LRP1B: variants seen among roughly 807,000 people sequenced by gnomAD.
LRP1B encodes the protein low-density lipoprotein receptor-related protein 1B.
Under a neutral mutation model 556.6 loss-of-function variants are expected in LRP1B, and 217 were observed. That is an observed-to-expected ratio of 0.39 (90% CI 0.35 to 0.44). LRP1B has a LOEUF of 0.44. LRP1B is among the 20% of genes least tolerant of loss of function. LRP1B has a pLI of 1.00. For missense variants in LRP1B, 5,053 were observed against 5,620.8 expected, an observed-to-expected ratio of 0.90 and a Z score of 3.23; for synonymous variants, 2,047 against 1,865.8, an observed-to-expected ratio of 1.10 and a Z score of -2.50.
At chr2:141,577,667 T>C (rs1686801273) in intron 2 of LRP1B, among the ~76,000 whole-genome samples, 1 of 152,150 alleles carries the variant, frequency 6.6e-6, no homozygotes, top group Non-Finnish European at 1.5e-5. Context: ...CTGTGAAAAT[T>C]TGGAACACGT....
At chr2:141,199,084 C>T (rs749733848) in intron 6 of LRP1B, among the ~76,000 whole-genome samples, 5 of 152,076 alleles carry the variant, frequency 3.3e-5, no homozygotes, top group Non-Finnish European at 5.9e-5. Context: ...TAAATTATAC[C>T]ATGACACCAT....
intron 3 of LRP1B, among the ~76,000 whole-genome samples, chr2:141,276,941 A>T (rs1685322209): frequency 2.6e-5 from 4 of 151,960 alleles, no homozygotes; most frequent in African/African-American, 7.3e-5. Flanking sequence ...CAGGCGCGAG[A>T]CACCGCTCCC....
intron 2 of LRP1B, among the ~76,000 whole-genome samples, chr2:141,649,302 T>C (rs752751824): frequency 6.6e-6 from 1 of 152,222 alleles, no homozygotes; most frequent in Non-Finnish European, 1.5e-5. Context: ...GGCATCATGG[T>C]GTCTTTCATC....
intron 35 of LRP1B, among the ~76,000 whole-genome samples, chr2:140,763,757 TATG>T (rs1689008335): frequency 6.6e-6 from 1 of 152,196 alleles, no homozygotes; most frequent in Non-Finnish European, 1.5e-5. Context: ...TATGCATGTT[TATG>T]ATATTTGTAT....
intron 32 of LRP1B, among the ~76,000 whole-genome samples, chr2:140,787,976 G>A (rs1689967377): frequency 1.3e-5 from 2 of 152,108 alleles, no homozygotes. Context: ...TTCAAGGTTG[G>A]TTGAAAGTTA....
At chr2:141,543,505 A>G (rs1314324012) in intron 2 of LRP1B, among the ~76,000 whole-genome samples, 2 of 129,118 alleles carry the variant, frequency 1.5e-5, no homozygotes, top group East Asian at 4.9e-4. Flanking sequence ...TGGGTAAGAA[A>G]GCGACCCTGT....
intron 11 of LRP1B, among the ~76,000 whole-genome samples, chr2:141,047,414 A>T (rs1271544000): frequency 6.6e-6 from 1 of 152,104 alleles, no homozygotes; most frequent in East Asian, 1.9e-4. Context: ...AATGAAGAAT[A>T]TTCTCATGCT....
rs1574236736 is a variant in LRP1B at position 140,683,306 on chromosome 2, A to T, written c.6799+16944T>A. The T allele has an allele frequency of 1.2e-5, 5 of 421,802 alleles. No homozygotes were observed. The East Asian group carries it at 3.0e-4, about 26-fold the overall frequency. The allele number at this position is 421,802 out of a possible 1,614,324, so 26.1% of individuals were successfully genotyped here. On this transcript the variant is annotated intron_variant, in intron 41 of 90. Coordinates refer to ENST00000389484, the MANE Select transcript of LRP1B (RefSeq NM_018557.3). The stretch of plus-strand genomic sequence containing the variant: ...TATGACTTTTCACCTTCAAAGGAAA[A>T]GAGATCTTGACCTGGAGGCCCAACC...
At chr2:140,986,228 T>G (rs920722773) in intron 17 of LRP1B, among the ~76,000 whole-genome samples, 5 of 152,190 alleles carry the variant, frequency 3.3e-5, no homozygotes, top group Admixed American at 1.3e-4. Context: ...ATTTCTTTCA[T>G]GAATAGAACA....
At chr2:141,363,560 C>CA (rs1329629401) in intron 3 of LRP1B, among the ~76,000 whole-genome samples, 1 of 151,904 alleles carries the variant, frequency 6.6e-6, no homozygotes, top group African/African-American at 2.4e-5. Context: ...TATTTGACAA[C>CA]AAAAATATTT....
At chr2:140,601,665 T>C in intron 41 of LRP1B, 26 bp from the exon 42 acceptor site, 1 of 1,492,154 alleles carries the variant, frequency 6.7e-7, no homozygotes, top group Non-Finnish European at 9.1e-7. Flanking sequence ...AAAGAAAAAA[T>C]ATATACTTTT....
At chr2:140,907,794 A>C (rs1012428949) in intron 22 of LRP1B, 83 bp downstream of exon 22, 1 of 1,151,730 alleles carries the variant, frequency 8.7e-7, no homozygotes, top group Admixed American at 1.8e-5. Context: ...GAAAGGAATG[A>C]ATGCTACTAT....
chr2:141,497,153 A>G (rs1683537787), intron 2 of LRP1B, among the ~76,000 whole-genome samples: 1 of 152,054 alleles, frequency 6.6e-6, no homozygotes, highest in South Asian at 2.1e-4. Context: ...ATATAAATGC[A>G]CACACAGACA....
intron 7 of LRP1B, among the ~76,000 whole-genome samples, chr2:141,067,349 T>C (rs942877194): frequency 1.2e-4 from 19 of 152,030 alleles, no homozygotes; most frequent in African/African-American, 4.6e-4. Context: ...TAAGCTATTT[T>C]GTCTGTCTGG....
At chr2:140,829,724 A>G (rs935678110) in intron 31 of LRP1B, among the ~76,000 whole-genome samples, 6 of 152,112 alleles carry the variant, frequency 3.9e-5, no homozygotes, top group Non-Finnish European at 7.4e-5. Flanking sequence ...CTAGACAAGC[A>G]AGAATAAACC....
chr2:141,874,742 G>GA (rs998835451), intron 1 of LRP1B, among the ~76,000 whole-genome samples: 2 of 150,942 alleles, frequency 1.3e-5, no homozygotes, highest in Non-Finnish European at 3.0e-5. Context: ...GTAACTTAAG[G>GA]AAAAAAAATA....
intron 32 of LRP1B, among the ~76,000 whole-genome samples, chr2:140,809,134 T>C (rs1405244039): frequency 6.6e-6 from 1 of 152,126 alleles, no homozygotes; most frequent in African/African-American, 2.4e-5. Context: ...CAGAAGGTTA[T>C]TGTAGAGATT....
intron 2 of LRP1B, among the ~76,000 whole-genome samples, chr2:141,666,416 G>T (rs1248396483): frequency 2.0e-5 from 3 of 152,226 alleles, no homozygotes; most frequent in Middle Eastern, 3.4e-3. Context: ...AGACAGGTCT[G>T]GTTATGTTGC....
chr2:140,640,467 C>T (rs1190209148), intron 41 of LRP1B, among the ~76,000 whole-genome samples: 1 of 122,046 alleles, frequency 8.2e-6, no homozygotes, highest in Non-Finnish European at 1.6e-5. Context: ...GCGATCTCGG[C>T]TCACTGCAAG....
Sources: allele counts gnomAD v4.1 joint callset (sites outside exome capture counted in the v4.1 genomes callset), GRCh38; gene constraint gnomAD v4.1.1; transcripts MANE v1.5; gene names NCBI Gene and HGNC (gene_info 2026-07-23, HGNC 2026-07-21).